The following PLEKHG1 variants were observed in gnomAD, a reference collection of about 807,000 sequenced individuals.
PLEKHG1 encodes the protein pleckstrin homology and RhoGEF domain containing G1.
PLEKHG1 carries 44 observed loss-of-function variants against 100.8 expected under a neutral mutation model. The observed-to-expected ratio is 0.44, with a 90% CI of 0.34 to 0.56. The LOEUF (loss-of-function observed/expected upper bound fraction) is 0.56. Among genes scored for constraint, PLEKHG1 ranks in the 20% least tolerant of loss-of-function variants. PLEKHG1 has a pLI of 0.01. For missense variants in PLEKHG1, 1,545 were observed against 1,720.9 expected, an observed-to-expected ratio of 0.90 and a Z score of 1.81; for synonymous variants, 640 against 662.5, an observed-to-expected ratio of 0.97 and a Z score of 0.52.
At chr6:150,838,974 G>A (rs564036674) in intron 15 of PLEKHG1, among the ~76,000 whole-genome samples, 7 of 152,360 alleles carry the variant, frequency 4.6e-5, no homozygotes, top group African/African-American at 1.7e-4. Context: ...GACAATGGCA[G>A]TGGAGGGCTG....
At chr6:150,833,736 A>T (rs1222589895) in intron 15 of PLEKHG1, among the ~76,000 whole-genome samples, 1 of 152,218 alleles carries the variant, frequency 6.6e-6, no homozygotes, top group Non-Finnish European at 1.5e-5. Context: ...ATATTTTAAG[A>T]AATCCTGCCC....
intron 3 of PLEKHG1, among the ~76,000 whole-genome samples, chr6:150,693,864 C>G (rs112618353): frequency 7.2e-5 from 11 of 152,318 alleles, no homozygotes; most frequent in Middle Eastern, 3.4e-3. Context: ...CTCATGACTA[C>G]CTCGAGAGGC....
chr6:150,840,247 G>C, exon 16 of PLEKHG1: 1 of 1,614,160 alleles, frequency 6.2e-7, no homozygotes, highest in South Asian at 1.1e-5. Context: ...GGTCGGAAAG[G>C]GATCAGCGCT....
chr6:150,783,593 C>T (rs767156055), intron 3 of PLEKHG1, among the ~76,000 whole-genome samples: 3 of 152,144 alleles, frequency 2.0e-5, no homozygotes, highest in Non-Finnish European at 4.4e-5. Context: ...TGGTCCCGAA[C>T]TCCTGACCTC....
intron 2 of PLEKHG1, among the ~76,000 whole-genome samples, chr6:150,644,834 A>G (rs1294320829): frequency 6.6e-6 from 1 of 152,194 alleles, no homozygotes; most frequent in Non-Finnish European, 1.5e-5. Flanking sequence ...TAATTTTAAC[A>G]TCACTGGAAG....
intron 3 of PLEKHG1, among the ~76,000 whole-genome samples, chr6:150,776,179 C>T (rs1784951204): frequency 6.6e-6 from 1 of 152,136 alleles, no homozygotes; most frequent in Non-Finnish European, 1.5e-5. Flanking sequence ...AACTAAGGGA[C>T]CTGAGCTCAA....
At chr6:150,726,756 G>T (rs1391335064) in intron 1 of PLEKHG1, among the ~76,000 whole-genome samples, 1 of 152,014 alleles carries the variant, frequency 6.6e-6, no homozygotes, top group African/African-American at 2.4e-5. Flanking sequence ...GAACACTAGA[G>T]AACATGAGGA....
chr6:150,642,391 G>A (rs976125580), intron 2 of PLEKHG1, among the ~76,000 whole-genome samples: 7 of 152,196 alleles, frequency 4.6e-5, no homozygotes, highest in Non-Finnish European at 2.9e-5. Context: ...TTTATTACGT[G>A]TAGAATCTGC....
At chr6:150,644,608 G>A (rs897363124) in intron 2 of PLEKHG1, among the ~76,000 whole-genome samples, 1 of 151,954 alleles carries the variant, frequency 6.6e-6, no homozygotes. Context: ...GGGATTACAG[G>A]CATGAGCCAC....
intron 3 of PLEKHG1, among the ~76,000 whole-genome samples, chr6:150,699,113 A>G (rs1780664629): frequency 6.6e-6 from 1 of 152,246 alleles, no homozygotes; most frequent in Non-Finnish European, 1.5e-5. Context: ...GACCAATGTC[A>G]GTTTCTGTTA....
intron 2 of PLEKHG1, among the ~76,000 whole-genome samples, chr6:150,650,098 T>C (rs756050874): frequency 1.6e-4 from 23 of 146,576 alleles, no homozygotes; most frequent in Admixed American, 8.8e-4. Flanking sequence ...ACCAAAACAG[T>C]GACCAGAAAA....
At chr6:150,837,771 C>A (rs1777307504) in intron 15 of PLEKHG1, among the ~76,000 whole-genome samples, 1 of 152,206 alleles carries the variant, frequency 6.6e-6, no homozygotes, top group African/African-American at 2.4e-5. Flanking sequence ...AGGATGGCTA[C>A]CATGGGCACA....
chr6:150,695,226 G>A (rs936452187), intron 3 of PLEKHG1, among the ~76,000 whole-genome samples: 2 of 152,022 alleles, frequency 1.3e-5, no homozygotes, highest in African/African-American at 4.8e-5. Flanking sequence ...TTGCTCAATG[G>A]TTTGTGCTTC....
At chr6:150,660,493 T>A (rs2128579772) in intron 3 of PLEKHG1, among the ~76,000 whole-genome samples, 1 of 152,328 alleles carries the variant, frequency 6.6e-6, no homozygotes, top group South Asian at 2.1e-4. Context: ...CTCTCCTCCC[T>A]ACCAAATTTT....
intron 1 of PLEKHG1, among the ~76,000 whole-genome samples, chr6:150,722,744 TTCC>T (rs2128610674): frequency 6.6e-6 from 1 of 152,318 alleles, no homozygotes; most frequent in African/African-American, 2.4e-5. Flanking sequence ...TTGCCTCTTC[TTCC>T]TCCTCCTTTT....
chr6:150,737,448 C>A (rs1457770093), intron 2 of PLEKHG1, among the ~76,000 whole-genome samples: 1 of 151,636 alleles, frequency 6.6e-6, no homozygotes, highest in Non-Finnish European at 1.5e-5. Flanking sequence ...CCCGCCACCG[C>A]CCCCGGCTAA....
At chr6:150,832,425 G>A (rs1406304234) in intron 15 of PLEKHG1, among the ~76,000 whole-genome samples, 2 of 152,200 alleles carry the variant, frequency 1.3e-5, no homozygotes, top group Non-Finnish European at 2.9e-5. Context: ...GTGGTGGTGT[G>A]CATGTAACAT....
chr6:150,698,158 G>C (rs1582960186), intron 3 of PLEKHG1, among the ~76,000 whole-genome samples: 1 of 152,040 alleles, frequency 6.6e-6, no homozygotes, highest in East Asian at 1.9e-4. Context: ...AATTCATTTA[G>C]GTTTCCTATA....
intron 3 of PLEKHG1, among the ~76,000 whole-genome samples, chr6:150,659,577 C>T (rs901627241): frequency 6.6e-6 from 1 of 152,198 alleles, no homozygotes; most frequent in Non-Finnish European, 1.5e-5. Context: ...CCTTGGCAGA[C>T]TGTCAAATGG....
Sources: gnomAD v4.1 joint callset for allele counts (sites outside exome capture counted in the v4.1 genomes callset) on GRCh38, gnomAD v4.1.1 for gene constraint, MANE v1.5 for transcripts, NCBI Gene and HGNC (gene_info 2026-07-23, HGNC 2026-07-21) for gene names.